Variants in ATP8B4 observed in about 807,000 individuals in gnomAD.
ATP8B4 encodes ATPase phospholipid transporting 8B4 (putative), also known as probable phospholipid-transporting ATPase IM.
A neutral mutation model predicts 145.6 loss-of-function variants in ATP8B4; 133 were observed. The observed-to-expected ratio is 0.91, with a 90% CI of 0.79 to 1.05. The LOEUF (loss-of-function observed/expected upper bound fraction) is 1.05. Among genes scored for constraint, ATP8B4 ranks in the 50% least tolerant of loss-of-function variants. The pLI is 0.00. For synonymous variants in ATP8B4, 507 were observed against 492.9 expected, an observed-to-expected ratio of 1.03 and a Z score of -0.38; for missense variants, 1,458 against 1,425.2, an observed-to-expected ratio of 1.02 and a Z score of -0.37.
chr15:49,947,369 T>A (rs1273346533), intron 14 of ATP8B4, among the ~76,000 whole-genome samples: 1 of 145,504 alleles, frequency 6.9e-6, no homozygotes, highest in Non-Finnish European at 1.5e-5. Context: ...AGGCAGAGGT[T>A]GCAAGTGAGC....
At chr15:50,069,823 G>A (rs1208909438) in intron 3 of ATP8B4, among the ~76,000 whole-genome samples, 1 of 152,108 alleles carries the variant, frequency 6.6e-6, no homozygotes, top group Non-Finnish European at 1.5e-5. Flanking sequence ...TTACCTTTTA[G>A]TTGCATGACT....
intron 2 of ATP8B4, among the ~76,000 whole-genome samples, chr15:50,094,255 C>A (rs1269699327): frequency 6.6e-6 from 1 of 152,076 alleles, no homozygotes; most frequent in Non-Finnish European, 1.5e-5. Context: ...AACAAAAAGG[C>A]TGAGTAGAAG....
At chr15:50,102,834 A>G (rs2056452766) in intron 2 of ATP8B4, among the ~76,000 whole-genome samples, 1 of 152,102 alleles carries the variant, frequency 6.6e-6, no homozygotes, top group South Asian at 2.1e-4. Flanking sequence ...TATAGATGTA[A>G]AACTCCTCAA....
At chr15:50,054,223 T>C (rs956563945) in intron 3 of ATP8B4, among the ~76,000 whole-genome samples, 1 of 152,154 alleles carries the variant, frequency 6.6e-6, no homozygotes, top group African/African-American at 2.4e-5. Context: ...AACATGAGTC[T>C]CCTCATCAGA....
At chr15:49,936,058 A>T (rs1438412655) in intron 14 of ATP8B4, among the ~76,000 whole-genome samples, 1 of 152,158 alleles carries the variant, frequency 6.6e-6, no homozygotes, top group Non-Finnish European at 1.5e-5. Context: ...CCAAACTTAA[A>T]TACTTTTTAT....
At chr15:49,878,572 C>T (rs934840185) in intron 24 of ATP8B4, among the ~76,000 whole-genome samples, 5 of 152,146 alleles carry the variant, frequency 3.3e-5, no homozygotes, top group African/African-American at 1.2e-4. Context: ...TCTAATTGTG[C>T]CACGGAAATT....
intron 1 of ATP8B4, among the ~76,000 whole-genome samples, chr15:50,110,588 G>T (rs1366078209): frequency 6.6e-6 from 1 of 152,194 alleles, no homozygotes; most frequent in Non-Finnish European, 1.5e-5. Flanking sequence ...TTAGGATTTT[G>T]AAATTTAACC....
chr15:50,124,120 A>C (rs2057291819), upstream of ATP8B4, among the ~76,000 whole-genome samples: 1 of 152,140 alleles, frequency 6.6e-6, no homozygotes. Context: ...TCTTTGAAGT[A>C]ACATATGCCC....
chr15:50,006,876 G>A (rs1014933403), intron 7 of ATP8B4, among the ~76,000 whole-genome samples: 1 of 152,118 alleles, frequency 6.6e-6, no homozygotes, highest in Non-Finnish European at 1.5e-5. Context: ...AAGGAGAAAG[G>A]TACACCTGGC....
At chr15:49,958,340 A>G (rs1178511169) in intron 14 of ATP8B4, among the ~76,000 whole-genome samples, 4 of 151,652 alleles carry the variant, frequency 2.6e-5, no homozygotes. Context: ...ATAAAAATAA[A>G]TAAATAAAGC....
intron 14 of ATP8B4, among the ~76,000 whole-genome samples, chr15:49,945,539 C>T (rs567002126): frequency 3.5e-4 from 53 of 152,184 alleles, no homozygotes; most frequent in Middle Eastern, 6.8e-3. Flanking sequence ...ACAACAAAAC[C>T]AGACAAAGAC....
At chr15:50,066,854 C>T (rs982667655) in intron 3 of ATP8B4, among the ~76,000 whole-genome samples, 3 of 151,568 alleles carry the variant, frequency 2.0e-5, no homozygotes, top group East Asian at 2.0e-4. Context: ...AAAATTAAAA[C>T]GGCTTTCTTC....
chr15:50,030,923 TAA>T (rs989043776), intron 6 of ATP8B4, among the ~76,000 whole-genome samples: 3 of 152,178 alleles, frequency 2.0e-5, no homozygotes, highest in African/African-American at 7.2e-5. Context: ...GAAAATCATT[TAA>T]AAGAACTACA....
At chr15:49,912,983 T>C (rs1172505196) in intron 20 of ATP8B4, among the ~76,000 whole-genome samples, 1 of 151,782 alleles carries the variant, frequency 6.6e-6, no homozygotes, top group African/African-American at 2.4e-5. Flanking sequence ...CAAAAATTAG[T>C]TGGGTGTGGT....
chr15:49,929,819 T>C (rs1462894319), intron 16 of ATP8B4, among the ~76,000 whole-genome samples: 1 of 151,864 alleles, frequency 6.6e-6, no homozygotes, highest in Non-Finnish European at 1.5e-5. Flanking sequence ...AAAAAATAGA[T>C]AGATGAACAG....
chr15:50,026,119 A>G (rs913818464), intron 6 of ATP8B4, among the ~76,000 whole-genome samples: 1 of 152,150 alleles, frequency 6.6e-6, no homozygotes, highest in Non-Finnish European at 1.5e-5. Context: ...TCCTTGTTCC[A>G]CTGTCATCTC....
chr15:50,097,470 T>C (rs147996945), intron 2 of ATP8B4, among the ~76,000 whole-genome samples: 1 of 152,364 alleles, frequency 6.6e-6, no homozygotes, highest in East Asian at 1.9e-4. Context: ...TGTTAGTTTG[T>C]TAAACAGATG....
intron 3 of ATP8B4, among the ~76,000 whole-genome samples, chr15:50,051,474 T>C (rs2052180536): frequency 6.6e-6 from 1 of 152,068 alleles, no homozygotes; most frequent in African/African-American, 2.4e-5. Flanking sequence ...AAGAGAAGAG[T>C]TTCCAGCTTA....
chr15:50,103,129 C>T (rs546166419), intron 2 of ATP8B4, among the ~76,000 whole-genome samples: 2 of 152,206 alleles, frequency 1.3e-5, no homozygotes, highest in East Asian at 3.9e-4. Flanking sequence ...AAACCCACAG[C>T]CAACATTATA....
Sources: allele counts gnomAD v4.1 joint callset (sites outside exome capture counted in the v4.1 genomes callset), GRCh38; gene constraint gnomAD v4.1.1; transcripts MANE v1.5; gene names NCBI Gene and HGNC (gene_info 2026-07-23, HGNC 2026-07-21).